Variants in ANO10 observed in about 807,000 individuals in gnomAD.
ANO10 encodes the protein anoctamin 10, also known as anoctamin-10.
In ANO10, 77 loss-of-function variants were observed where a neutral mutation model predicts 74.7. The observed-to-expected ratio is 1.03, with a 90% CI of 0.86 to 1.25. ANO10 has a LOEUF of 1.25. ANO10 is among the 50% of genes most tolerant of loss of function. The pLI, the probability that ANO10 is intolerant of heterozygous loss-of-function variation, is 0.00. For synonymous variants in ANO10, 279 were observed against 284.9 expected, an observed-to-expected ratio of 0.98 and a Z score of 0.21; for missense variants, 721 against 778.1, an observed-to-expected ratio of 0.93 and a Z score of 0.87.
intron 8 of ANO10, among the ~76,000 whole-genome samples, chr3:43,562,950 A>G (rs2080120455): frequency 6.6e-6 from 1 of 152,222 alleles, no homozygotes; most frequent in Non-Finnish European, 1.5e-5. Context: ...ACAGGCAACA[A>G]AACCAAAAAT....
chr3:43,462,639 G>A (rs1032839139), intron 11 of ANO10, among the ~76,000 whole-genome samples: 2 of 152,218 alleles, frequency 1.3e-5, no homozygotes, highest in African/African-American at 2.4e-5. Flanking sequence ...ATTCAAGCCA[G>A]CTACAGAAAT....
intron 12 of ANO10, among the ~76,000 whole-genome samples, chr3:43,390,072 G>A (rs1448640235): frequency 6.6e-6 from 1 of 152,190 alleles, no homozygotes; most frequent in Non-Finnish European, 1.5e-5. Context: ...TAAAGTCCTG[G>A]CATCCAGGGA....
chr3:43,632,226 C>T (rs2083556225), intron 1 of ANO10, among the ~76,000 whole-genome samples: 2 of 152,210 alleles, frequency 1.3e-5, no homozygotes, highest in South Asian at 2.1e-4. Flanking sequence ...CCTTCTCCAC[C>T]CTCCTCTGTG....
chr3:43,668,447 ATT>A (rs1478021614), intron 1 of ANO10, among the ~76,000 whole-genome samples: 1 of 151,674 alleles, frequency 6.6e-6, no homozygotes, highest in East Asian at 1.9e-4. Flanking sequence ...CCATTTTTTA[ATT>A]TTTGTTTTTG....
At chr3:43,530,600 A>T (rs1225536644) in intron 11 of ANO10, among the ~76,000 whole-genome samples, 2 of 152,030 alleles carry the variant, frequency 1.3e-5, no homozygotes, top group Admixed American at 1.3e-4. Context: ...ATTTTGAGAG[A>T]CAGAGAAAGA....
In ANO10 at chr3:43,685,316, AT is replaced by A. The variant is rs1575593088; in HGVS notation, c.-12+6200del. ...GAACCAACTTTTGTATATTTCATGG[AT>A]TTTGCTTTTTCCACATATCAATATG... On this transcript the variant is annotated intron_variant, in intron 1 of 3. Transcript: ENST00000413397. Among the ~76,000 whole-genome samples, 3 of 152,100 alleles carry A rather than the reference AT, an allele frequency of 2.0e-5. No homozygotes were observed. In the East Asian group the frequency reaches 5.8e-4, roughly 29 times the overall value.
At chr3:43,555,901 C>T (rs2079724034) in intron 9 of ANO10, among the ~76,000 whole-genome samples, 1 of 152,168 alleles carries the variant, frequency 6.6e-6, no homozygotes, top group Non-Finnish European at 1.5e-5. Flanking sequence ...AAAGGTGCTT[C>T]TTCCAGATGT....
Position 43,419,283 on chromosome 3 carries a change from G to C in ANO10, c.1914+13328C>G, listed in dbSNP as rs377031787. 2.6e-5 allele frequency among the ~76,000 whole-genome samples: 4 copies of C among 152,320 alleles called. No homozygotes were observed. The East Asian group carries it at 5.8e-4, about 22-fold the overall frequency. ...TCTACTGATCACACAGAAAAATCAA[G>C]ATACAAAGTGGGAGAGGACTCCACA... is the stretch of plus-strand genomic sequence containing the variant. On this transcript the variant is annotated intron_variant, in intron 12 of 12. Transcript: ENST00000292246.
intron 11 of ANO10, among the ~76,000 whole-genome samples, chr3:43,498,472 G>T (rs1412481124): frequency 1.3e-5 from 2 of 152,192 alleles, no homozygotes; most frequent in East Asian, 3.9e-4. Flanking sequence ...CAATAGGAGA[G>T]ACCTGCCCCC....
intron 1 of ANO10, among the ~76,000 whole-genome samples, chr3:43,680,013 C>A (rs1192890423): frequency 6.6e-6 from 1 of 152,170 alleles, no homozygotes; most frequent in East Asian, 1.9e-4. Flanking sequence ...ACTGGAAACT[C>A]TAAAAATCAG....
At chr3:43,505,256 T>C (rs2077251998) in intron 11 of ANO10, among the ~76,000 whole-genome samples, 1 of 152,226 alleles carries the variant, frequency 6.6e-6, no homozygotes, top group Non-Finnish European at 1.5e-5. Flanking sequence ...GTAATTTCTA[T>C]AAAATGTTGG....
rs569385203 is a variant in ANO10, at chr3:43,683,671, C to T, written c.-12+7846G>A. Among the ~76,000 whole-genome samples, 149 of 152,200 alleles carry T rather than the reference C, an allele frequency of 9.8e-4. 1 individual carries two copies. The highest frequency in any genetic ancestry group is 3.4e-3 in the African/African-American group (141 of 41,528). ...AGCTGGAGGCATCATGCTACCTGACCTCAAACTATACTACAAGGCTACAGT... is the reference window on the plus strand; with the variant it reads ...AGCTGGAGGCATCATGCTACCTGACTTCAAACTATACTACAAGGCTACAGT... On this transcript the variant is annotated intron_variant, in intron 1 of 3. Transcript: ENST00000413397.
intron 11 of ANO10, among the ~76,000 whole-genome samples, chr3:43,491,763 G>A (rs958566592): frequency 1.3e-5 from 2 of 151,858 alleles, no homozygotes; most frequent in Non-Finnish European, 2.9e-5. Flanking sequence ...TTCACCACCA[G>A]TAACAAATTA....
chr3:43,476,185 T>G (rs2076058552), intron 11 of ANO10, among the ~76,000 whole-genome samples: 2 of 152,116 alleles, frequency 1.3e-5, no homozygotes, highest in African/African-American at 4.8e-5. Context: ...TTATCTACTT[T>G]CCCCCTAAAA....
intron 1 of ANO10, among the ~76,000 whole-genome samples, chr3:43,668,527 T>C (rs2084019397): frequency 6.6e-6 from 1 of 152,184 alleles, no homozygotes; most frequent in African/African-American, 2.4e-5. Context: ...GAGTTTTTTC[T>C]GATGTTATCT....
chr3:43,686,702 C>T (rs921863541), intron 1 of ANO10, among the ~76,000 whole-genome samples: 7 of 152,220 alleles, frequency 4.6e-5, no homozygotes, highest in African/African-American at 1.7e-4. Flanking sequence ...AAAATTCAGT[C>T]ACACTAGCCA....
chr3:43,490,823 C>T (rs752928775), intron 11 of ANO10, among the ~76,000 whole-genome samples: 22 of 152,170 alleles, frequency 1.4e-4, no homozygotes, highest in African/African-American at 4.6e-4. Context: ...CCTGGAATGT[C>T]AGGTGACCAT....
At chr3:43,465,747 C>A (rs1038539851) in intron 11 of ANO10, among the ~76,000 whole-genome samples, 2 of 152,026 alleles carry the variant, frequency 1.3e-5, no homozygotes, top group African/African-American at 4.8e-5. Flanking sequence ...ACTGTACCAG[C>A]AATTAAAATT....
At chr3:43,674,288 C>T (rs2084095232) in intron 1 of ANO10, among the ~76,000 whole-genome samples, 1 of 152,170 alleles carries the variant, frequency 6.6e-6, no homozygotes, top group Non-Finnish European at 1.5e-5. Flanking sequence ...TATAGGCATG[C>T]ATCACCATAC....
Sources: allele counts gnomAD v4.1 joint callset (sites outside exome capture counted in the v4.1 genomes callset), GRCh38; gene constraint gnomAD v4.1.1; transcripts MANE v1.5; gene names NCBI Gene and HGNC (gene_info 2026-07-23, HGNC 2026-07-21).